Variants in DSCAM observed in about 807,000 individuals in gnomAD.
The protein encoded by DSCAM is cell adhesion molecule DSCAM.
Under a neutral mutation model 217.7 loss-of-function variants are expected in DSCAM, and 47 were observed. The ratio of observed to expected loss-of-function variants is 0.22; its 90% confidence interval spans 0.17 to 0.28. DSCAM has a LOEUF of 0.28. Ranked by LOEUF, DSCAM falls within the 10% of genes least tolerant of loss-of-function variation. The pLI is 1.00. For synonymous variants in DSCAM, 1,056 were observed against 1,015.3 expected (o/e 1.04, Z -0.76); for missense variants, 2,080 against 2,618.3 (o/e 0.79, Z 4.49).
chr21:40,364,212 T>A (rs1362494215), intron 4 of DSCAM, among the ~76,000 whole-genome samples: 3 of 152,140 alleles, frequency 2.0e-5, no homozygotes, highest in African/African-American at 7.2e-5. Flanking sequence ...CATGCTGCTA[T>A]AAAGACACAT....
At chr21:40,334,332 C>T (rs921295664) in intron 8 of DSCAM, among the ~76,000 whole-genome samples, 6 of 152,284 alleles carry the variant, frequency 3.9e-5, no homozygotes, top group South Asian at 2.1e-4. Flanking sequence ...CTTCCTCAAA[C>T]GGCTCCACTG....
At chr21:40,800,076 G>A (rs755991039) in intron 1 of DSCAM, among the ~76,000 whole-genome samples, 2 of 152,144 alleles carry the variant, frequency 1.3e-5, no homozygotes, top group Non-Finnish European at 2.9e-5. Context: ...GAGGAAAAAC[G>A]GAGACTTGAA....
At chr21:40,246,085 A>G (rs535291220) in intron 11 of DSCAM, among the ~76,000 whole-genome samples, 3 of 151,918 alleles carry the variant, frequency 2.0e-5, no homozygotes, top group East Asian at 1.9e-4. Context: ...TATGGCATCA[A>G]ATGAGGTGTT....
At chr21:40,059,593 C>T (rs534700163) in intron 28 of DSCAM, among the ~76,000 whole-genome samples, 3 of 152,250 alleles carry the variant, frequency 2.0e-5, no homozygotes, top group South Asian at 2.1e-4. Flanking sequence ...CCCTGAAATA[C>T]GCAGATACTT....
intron 26 of DSCAM, among the ~76,000 whole-genome samples, chr21:40,077,131 G>C (rs1178989191): frequency 3.3e-5 from 5 of 152,154 alleles, no homozygotes; most frequent in Non-Finnish European, 1.5e-5. Context: ...GAGAAAAGTT[G>C]TCGTCTGGGA....
intron 3 of DSCAM, among the ~76,000 whole-genome samples, chr21:40,588,644 C>A (rs1182195129): frequency 6.6e-6 from 1 of 152,108 alleles, no homozygotes; most frequent in Non-Finnish European, 1.5e-5. Flanking sequence ...TAATGATAAT[C>A]TAATACAAAT....
chr21:40,085,462 A>T, intron 23 of DSCAM, 140 bp downstream of exon 23: 1 of 714,640 alleles, frequency 1.4e-6, no homozygotes. Flanking sequence ...CAAAATGAAC[A>T]TGTGTTTTCT....
intron 11 of DSCAM, among the ~76,000 whole-genome samples, chr21:40,252,924 G>C (rs1246000352): frequency 2.6e-5 from 4 of 152,182 alleles, no homozygotes; most frequent in Non-Finnish European, 5.9e-5. Flanking sequence ...TGTCCCCCTA[G>C]ACCCAAGTAA....
At chr21:40,436,681 G>C (rs745437412) in intron 3 of DSCAM, among the ~76,000 whole-genome samples, 2 of 152,126 alleles carry the variant, frequency 1.3e-5, no homozygotes, top group Non-Finnish European at 1.5e-5. Context: ...AAGCTTGAAG[G>C]ACTCGCCAAG....
chr21:40,030,470 GA>G (rs1171540122), intron 32 of DSCAM, among the ~76,000 whole-genome samples: 3 of 152,300 alleles, frequency 2.0e-5, no homozygotes, highest in African/African-American at 7.2e-5. Flanking sequence ...TAAATGATGG[GA>G]TGGAAGGAGC....
intron 3 of DSCAM, among the ~76,000 whole-genome samples, chr21:40,448,541 T>C (rs544301341): frequency 1.3e-5 from 2 of 152,168 alleles, no homozygotes; most frequent in African/African-American, 4.8e-5. Flanking sequence ...TGTAGGGAAA[T>C]GATCATGGGA....
At chr21:40,776,592 A>G (rs980965626) in intron 1 of DSCAM, among the ~76,000 whole-genome samples, 2 of 152,168 alleles carry the variant, frequency 1.3e-5, no homozygotes, top group Non-Finnish European at 1.5e-5. Context: ...ATGTGTGCAC[A>G]TCCCTTAGAC....
At chr21:40,087,780 C>T (rs1030302094) in intron 21 of DSCAM, among the ~76,000 whole-genome samples, 6 of 152,330 alleles carry the variant, frequency 3.9e-5, no homozygotes, top group African/African-American at 4.8e-5. Context: ...TTAGGACACA[C>T]ATTAAGGAGA....
At chr21:40,376,573 C>T (rs143442515) in intron 3 of DSCAM, among the ~76,000 whole-genome samples, 2 of 86,030 alleles carry the variant, frequency 2.3e-5, no homozygotes, top group African/African-American at 5.1e-5. Flanking sequence ...TATCTTATAT[C>T]GATATCTATA....
chr21:40,252,246 T>A (rs1178981144), intron 11 of DSCAM, among the ~76,000 whole-genome samples: 1 of 152,158 alleles, frequency 6.6e-6, no homozygotes, highest in African/African-American at 2.4e-5. Flanking sequence ...GATAATAAAA[T>A]CAGACCTTTA....
chr21:40,145,191 G>A (rs530459384), intron 16 of DSCAM, among the ~76,000 whole-genome samples: 70 of 152,248 alleles, frequency 4.6e-4, no homozygotes, highest in African/African-American at 1.6e-3. Context: ...AAGAACTCTC[G>A]GGCTCGCTGC....
rs759317737 is a variant in DSCAM at position 40,369,202 on chromosome 21, T to G, written c.552A>C (p.Lys184Asn). 1 of 1,612,430 alleles carries G rather than the reference T, an allele frequency of 6.2e-7. No individual in the cohort carries two copies. The highest frequency in any genetic ancestry group is 8.5e-7 in the Non-Finnish European group (1 of 1,179,276). ...ACAATCCATCTTCATTCTGTACATC[T>G]TTAATATACAAGGCTCCCGTGGATG... Reference protein sequence around the residue: ...LITSTGALYIKDVQNEDGLYN... With the variant: ...LITSTGALYINDVQNEDGLYN... The change falls in exon 4 of 33, where the codon AAA (lysine) becomes AAC (asparagine). Residue 184 changes from lysine to asparagine, a missense_variant. Coordinates refer to ENST00000400454, the MANE Select transcript of DSCAM (RefSeq NM_001389.5).
chr21:40,194,373 A>G (rs1379408942), intron 11 of DSCAM, among the ~76,000 whole-genome samples: 4 of 152,172 alleles, frequency 2.6e-5, no homozygotes, highest in Non-Finnish European at 5.9e-5. Flanking sequence ...TTCACTTGTC[A>G]CAGTTATGGA....
chr21:40,420,595 C>T lies in DSCAM; in HGVS notation c.509-51350G>A, dbSNP rs546839622. ...CAAAATTTGTATGTTCATGTCCTAC[C>T]ACCAGTATCTCAGAATGTGAACTTA... On this transcript the variant is annotated intron_variant, in intron 3 of 32. Transcript: ENST00000400454. 3.3e-5 allele frequency among the ~76,000 whole-genome samples: 5 copies of T among 152,202 alleles called. No individual in the cohort carries two copies. The East Asian group carries it at 9.7e-4, about 29-fold the overall frequency.
Sources: allele counts gnomAD v4.1 joint callset (sites outside exome capture counted in the v4.1 genomes callset), GRCh38; gene constraint gnomAD v4.1.1; transcripts MANE v1.5; gene names NCBI Gene and HGNC (gene_info 2026-07-23, HGNC 2026-07-21).